Variants in NUDT5 observed in about 807,000 individuals in gnomAD.
NUDT5 encodes the protein ADP-sugar pyrophosphatase.
Under a neutral mutation model 34.1 loss-of-function variants are expected in NUDT5, and 21 were observed. The observed-to-expected ratio is 0.62, with a 90% CI of 0.44 to 0.89. The LOEUF (loss-of-function observed/expected upper bound fraction) is 0.89. NUDT5 is among the 40% of genes least tolerant of loss of function. The probability of loss-of-function intolerance (pLI) is 0.00; values close to 1 mark genes in which losing one functional copy is unlikely to be tolerated. For synonymous variants in NUDT5, 85 were observed against 97.6 expected, an observed-to-expected ratio of 0.87 and a Z score of 0.76; for missense variants, 249 against 274.8, an observed-to-expected ratio of 0.91 and a Z score of 0.66.
Position 12,173,869 on chromosome 10 carries a change from TC to T in NUDT5, c.290-57del. Reference sequence around the variant, plus strand: ...GCGGGAAATCCGGTTCTTTAAACCCTCCTTTTTTTTTTTTTGAGATGGAGTC... The same window carrying T: ...GCGGGAAATCCGGTTCTTTAAACCCTCTTTTTTTTTTTTTGAGATGGAGTC... On this transcript the variant is annotated intron_variant, in intron 5 of 9. Coordinates refer to ENST00000491614, the MANE Select transcript of NUDT5 (RefSeq NM_014142.4). This position sits in a 1 kb window ranked among gnomAD's most constrained non-coding sequence, Gnocchi z 4.7. 1 of 1,130,706 alleles carries T rather than the reference TC, an allele frequency of 8.8e-7. No individual in the cohort carries two copies. 70.0% of individuals were successfully genotyped at this position (1,130,706 alleles called of 1,614,324 possible). A position where few individuals can be genotyped will look rare whatever the true frequency, so the allele number is the denominator to read the frequency against.
chr10:12,183,137 G>A (rs1835070785), intron 3 of NUDT5, among the ~76,000 whole-genome samples: 1 of 152,164 alleles, frequency 6.6e-6, no homozygotes, highest in Admixed American at 6.5e-5. Flanking sequence ...CTATACATTG[G>A]GTTCCAACCT....
chr10:12,184,208 AGCT>A (rs1440073169), intron 3 of NUDT5, among the ~76,000 whole-genome samples: 1 of 152,032 alleles, frequency 6.6e-6, no homozygotes, highest in Non-Finnish European at 1.5e-5. Flanking sequence ...CACCAGGCCC[AGCT>A]ATTTTTTGTA....
intron 2 of NUDT5, among the ~76,000 whole-genome samples, chr10:12,185,655 G>A (rs1462445954): frequency 6.6e-6 from 1 of 152,206 alleles, no homozygotes; most frequent in Non-Finnish European, 1.5e-5. Context: ...ATTTTCAGCA[G>A]ATCTGTTCAC....
Position 12,170,365 on chromosome 10 carries a change from G to C in NUDT5, c.550+352C>G. On this transcript the variant is annotated intron_variant, in intron 9 of 9. Coordinates refer to ENST00000491614, the MANE Select transcript of NUDT5 (RefSeq NM_014142.4). This position sits in a 1 kb window ranked among gnomAD's most constrained non-coding sequence, Gnocchi z 4.9. ...CCATCCCTCATACTAGCATACTTGAGGAAAAGCTAACAGCTTATCTACCCA... is the reference window on the plus strand; with the variant it reads ...CCATCCCTCATACTAGCATACTTGACGAAAAGCTAACAGCTTATCTACCCA... 1 of 673,910 alleles carries C rather than the reference G, an allele frequency of 1.5e-6. No homozygotes were observed. Among genetic ancestry groups the C allele is most frequent in the South Asian group, 1.9e-5 (1 of 53,716 alleles). 41.7% of individuals were successfully genotyped at this position (673,910 alleles called of 1,614,324 possible).
At chr10:12,194,792 G>A (rs1835301747) in intron 1 of NUDT5, among the ~76,000 whole-genome samples, 1 of 152,176 alleles carries the variant, frequency 6.6e-6, no homozygotes, top group Non-Finnish European at 1.5e-5. Flanking sequence ...TACATTTAAG[G>A]AGATACTTTT....
At chr10:12,193,756 T>TA (rs1489662910) in intron 1 of NUDT5, among the ~76,000 whole-genome samples, 1 of 152,334 alleles carries the variant, frequency 6.6e-6, no homozygotes, top group East Asian at 1.9e-4. Flanking sequence ...AAGGTATCTA[T>TA]AAAAATTCCT....
Position 12,167,753 on chromosome 10 carries a change from T to C in NUDT5, c.609A>G (p.Ala203=), listed in dbSNP as rs6686. The change falls in exon 10 of 10, where the codon GCA becomes GCG. Residue 203 remains alanine, a synonymous_variant. Transcript: ENST00000491614. ...VDARVYSYAL[A]LKHANAKPFE... The stretch of plus-strand genomic sequence containing the variant: ...ATGGCTTTGCATTTGCATGTTTCAG[T>C]GCTAGAGCGTAGGAATAGACCCTGG... The C allele has an allele frequency of 0.49, 798,199 of 1,613,664 alleles. 199,625 individuals are homozygous for C. The highest frequency in any genetic ancestry group is 0.55 in the East Asian group (24,545 of 44,848).
rs1835056622 is a variant in NUDT5, at chr10:12,182,360, A to G, written c.131+2529T>C. Among the ~76,000 whole-genome samples, 1 of 152,212 alleles carries G rather than the reference A, an allele frequency of 6.6e-6. No individual in the cohort carries two copies. Among genetic ancestry groups the G allele is most frequent in the Non-Finnish European group, 1.5e-5 (1 of 68,042 alleles). On this transcript the variant is annotated intron_variant, in intron 3 of 9. Transcript: ENST00000491614. This position sits in a 1 kb window ranked among gnomAD's most constrained non-coding sequence, Gnocchi z 4.3. ...CAGATTAGGGCTGCTCAACCTGTAC[A>G]CGCAGGCTTTTATATCAGGTCAGAG...
In NUDT5 at chr10:12,170,841, C is replaced by A; in HGVS notation, c.496+59G>T. On this transcript the variant is annotated intron_variant, in intron 8 of 9. Coordinates refer to ENST00000491614, the MANE Select transcript of NUDT5 (RefSeq NM_014142.4). This position sits in a 1 kb window ranked among gnomAD's most constrained non-coding sequence, Gnocchi z 4.9. ...CTACCAAAACAACCCAAAATGTCTG[C>A]AGCCATCACCACTACACTAAGTCAT... 1 of 1,612,798 alleles carries A rather than the reference C, an allele frequency of 6.2e-7. No individual in the cohort carries two copies. The highest frequency in any genetic ancestry group is 8.5e-7 in the Non-Finnish European group (1 of 1,178,792).
Position 12,184,446 on chromosome 10 carries a change from A to G in NUDT5, c.131+443T>C, listed in dbSNP as rs376902753. ...TGACACATATTATGAAATAGGGTGT[A>G]CAAAATGTTTTTTTCCCAATTTGCA... On this transcript the variant is annotated intron_variant, in intron 3 of 9. Coordinates refer to ENST00000491614, the MANE Select transcript of NUDT5 (RefSeq NM_014142.4). 1.2e-4 allele frequency: 185 copies of G among 1,518,074 alleles called. No individual in the cohort carries two copies. The African/African-American group carries it at 2.4e-3, about 19-fold the overall frequency. 94.0% of individuals were successfully genotyped at this position (1,518,074 alleles called of 1,614,324 possible). A position where few individuals can be genotyped will look rare whatever the true frequency, so the allele number is the denominator to read the frequency against.
At chr10:12,172,623 A>G in intron 7 of NUDT5, 142 bp downstream of exon 7, 1 of 621,440 alleles carries the variant, frequency 1.6e-6, no homozygotes, top group East Asian at 2.8e-5. Flanking sequence ...TTAGGAAGAG[A>G]GACAAGAATA....
chr10:12,167,958 T>G, intron 9 of NUDT5, 147 bp from the exon 10 acceptor site: 1 of 1,383,002 alleles, frequency 7.2e-7, no homozygotes, highest in South Asian at 1.6e-5. Context: ...TCTATAAGGA[T>G]CTTAAAGAAT....
intron 1 of NUDT5, among the ~76,000 whole-genome samples, chr10:12,188,728 T>A (rs1393350537): frequency 1.7e-4 from 13 of 74,686 alleles, no homozygotes; most frequent in East Asian, 7.2e-4. Context: ...AGACTCCATC[T>A]AAAAAAAAAA....
At chr10:12,192,551 A>C (rs1588664023) in intron 1 of NUDT5, among the ~76,000 whole-genome samples, 1 of 152,256 alleles carries the variant, frequency 6.6e-6, no homozygotes, top group East Asian at 1.9e-4. Context: ...TTTAAATTCT[A>C]TTTTTAAAAG....
Position 12,165,523 on chromosome 10 carries a change from T to C in NUDT5, c.*2179A>G, listed in dbSNP as rs1834650177. ...ACTTTAATCCTAAATTATTGACAGA[T>C]AGATAGATAGTGACCAACTTAAGGG... is the stretch of plus-strand genomic sequence containing the variant. On this transcript the variant is annotated 3_prime_UTR_variant, in exon 10 of 10. Coordinates refer to ENST00000491614, the MANE Select transcript of NUDT5 (RefSeq NM_014142.4). 1.7e-5 allele frequency: 4 copies of C among 235,348 alleles called. No homozygotes were observed. Among genetic ancestry groups the C allele is most frequent in the Non-Finnish European group, 2.8e-5 (4 of 144,194 alleles). 14.6% of individuals were successfully genotyped at this position (235,348 alleles called of 1,614,324 possible).
At chr10:12,183,557 T>C (rs1355231085) in intron 3 of NUDT5, among the ~76,000 whole-genome samples, 1 of 152,234 alleles carries the variant, frequency 6.6e-6, no homozygotes, top group Non-Finnish European at 1.5e-5. Flanking sequence ...GGAGTTCTCA[T>C]ACTGATGAAT....
chr10:12,175,312 C>A lies in NUDT5; in HGVS notation c.290-1499G>T, dbSNP rs892916902. Among the ~76,000 whole-genome samples, 19 of 150,904 alleles carry A rather than the reference C, an allele frequency of 1.3e-4. No individual in the cohort carries two copies. The highest frequency in any genetic ancestry group is 4.6e-4 in the African/African-American group (19 of 40,926). Reference sequence around the variant, plus strand: ...TCTAGCTTGGGCAACAAAAGTGAAACTGCATCTCAAAAAATAAATAAATAA... The same window carrying A: ...TCTAGCTTGGGCAACAAAAGTGAAAATGCATCTCAAAAAATAAATAAATAA... On this transcript the variant is annotated intron_variant, in intron 5 of 9. Coordinates refer to ENST00000491614, the MANE Select transcript of NUDT5 (RefSeq NM_014142.4). The surrounding 1 kb of genome is among the most constrained non-coding windows in gnomAD (Gnocchi z 4.8).
At chr10:12,194,722 G>C (rs1389467417) in intron 1 of NUDT5, among the ~76,000 whole-genome samples, 6 of 152,190 alleles carry the variant, frequency 3.9e-5, no homozygotes, top group Non-Finnish European at 8.8e-5. Context: ...CTTCTGAAGA[G>C]GCCTGCAGTC....
At chr10:12,189,596 G>A (rs747152697) in intron 1 of NUDT5, among the ~76,000 whole-genome samples, 61 of 152,200 alleles carry the variant, frequency 4.0e-4, no homozygotes, top group Non-Finnish European at 7.6e-4. Flanking sequence ...AAGGAATGTT[G>A]TTTTTAGCAC....
Sources: allele counts gnomAD v4.1 joint callset (sites outside exome capture counted in the v4.1 genomes callset), GRCh38; gene constraint gnomAD v4.1.1; non-coding constraint Gnocchi (gnomAD v3.1); transcripts MANE v1.5; gene names NCBI Gene and HGNC (gene_info 2026-07-23, HGNC 2026-07-21).